ZNF862: variants seen among roughly 807,000 people sequenced by gnomAD.
ZNF862 encodes the protein zinc finger protein 862.
Under a neutral mutation model 91.1 loss-of-function variants are expected in ZNF862, and 64 were observed. That is an observed-to-expected ratio of 0.70 (90% confidence interval 0.57 to 0.87). The LOEUF is 0.87. ZNF862 is among the 40% of genes least tolerant of loss of function. ZNF862 has a pLI of 0.00. For missense variants in ZNF862, 1,459 were observed against 1,528.0 expected, an observed-to-expected ratio of 0.95 and a Z score of 0.75; for synonymous variants, 631 against 618.1, an observed-to-expected ratio of 1.02 and a Z score of -0.31.
intron 1 of ZNF862, chr7:149,841,536 C>G (rs1801705104): frequency 1.0e-6 from 1 of 985,194 alleles, no homozygotes. Flanking sequence ...GGAGCAGTTC[C>G]TGGCATTTAA....
rs1240931247 is a variant in ZNF862, at chr7:149,838,428, T to A, written c.-184T>A. On this transcript the variant is annotated 5_prime_UTR_variant, in exon 1 of 8. Coordinates refer to ENST00000223210, the MANE Select transcript of ZNF862 (RefSeq NM_001099220.3). ...GACGCAAGTCTCAGCTCAGCGCGCT[T>A]ATCCTGGGTCCACCGGCGCTACCGC... The A allele has an allele frequency of 2.5e-6, 1 of 403,462 alleles. No individual in the cohort carries two copies. Among genetic ancestry groups the A allele is most frequent in the African/African-American group, 2.1e-5 (1 of 48,694 alleles). 25.0% of individuals were successfully genotyped at this position (403,462 alleles called of 1,614,324 possible). A position where few individuals can be genotyped will look rare whatever the true frequency, so the allele number is the denominator to read the frequency against.
At position 149,846,114 on chromosome 7, in the gene ZNF862, C is replaced by T. The variant is rs916409537; in HGVS notation, c.137-37C>T. On this transcript the variant is annotated intron_variant, in intron 2 of 7. Coordinates refer to ENST00000223210, the MANE Select transcript of ZNF862 (RefSeq NM_001099220.3). ...GGAGCCAGGTCTTCATAGTGCTTTTCTCTCTCTCTCGCTCTCTTTTTTTTT... is the reference window on the plus strand; with the variant it reads ...GGAGCCAGGTCTTCATAGTGCTTTTTTCTCTCTCTCGCTCTCTTTTTTTTT... The T allele has an allele frequency of 1.0e-5, 14 of 1,389,998 alleles. No homozygotes were observed. In the African/African-American group the frequency reaches 1.2e-4, roughly 12 times the overall value. The allele number at this position is 1,389,998 out of a possible 1,614,324, so 86.1% of individuals were successfully genotyped here. A position where few individuals can be genotyped will look rare whatever the true frequency, so the allele number is the denominator to read the frequency against.
intron 4 of ZNF862, among the ~76,000 whole-genome samples, chr7:149,849,687 G>C (rs117578876): frequency 2.0e-5 from 3 of 152,206 alleles, no homozygotes; most frequent in Non-Finnish European, 4.4e-5. Flanking sequence ...CTAATGAACC[G>C]ATGTAACCTT....
At chr7:149,856,780 G>A (rs992536705) in intron 5 of ZNF862, among the ~76,000 whole-genome samples, 14 of 152,178 alleles carry the variant, frequency 9.2e-5, no homozygotes, top group African/African-American at 3.4e-4. Flanking sequence ...TGTGGTTGAC[G>A]TCTTCATCTT....
chr7:149,849,770 C>T (rs1281589003), intron 4 of ZNF862, among the ~76,000 whole-genome samples: 1 of 152,054 alleles, frequency 6.6e-6, no homozygotes, highest in Admixed American at 6.5e-5. Flanking sequence ...CTTTTTTGAC[C>T]ACCTCTTTGT....
At chr7:149,862,747 G>A (rs1802563759) in intron 7 of ZNF862, among the ~76,000 whole-genome samples, 1 of 152,256 alleles carries the variant, frequency 6.6e-6, no homozygotes, top group African/African-American at 2.4e-5. Flanking sequence ...TGGTGACAGT[G>A]CTGTGCTGGC....
intron 1 of ZNF862, among the ~76,000 whole-genome samples, 196 bp downstream of exon 1, chr7:149,838,831 T>G (rs1466339452): frequency 6.6e-6 from 1 of 152,218 alleles, no homozygotes; most frequent in East Asian, 1.9e-4. Flanking sequence ...GACGCTTCCG[T>G]TCGGTGTCCG....
intron 6 of ZNF862, 70 bp from the exon 7 acceptor site, chr7:149,860,313 G>T (rs377588944): frequency 3.6e-6 from 5 of 1,382,692 alleles, no homozygotes; most frequent in African/African-American, 1.5e-5. Context: ...AAATTTGGGG[G>T]TGTCTTAGCT....
chr7:149,854,094 GCAGGA>G (rs1802171308), intron 5 of ZNF862, among the ~76,000 whole-genome samples: 1 of 152,208 alleles, frequency 6.6e-6, no homozygotes, highest in Admixed American at 6.5e-5. Flanking sequence ...ACGGACTCCA[GCAGGA>G]CGCGCTTATA....
At chr7:149,840,568 T>TCACC (rs1466581774) in intron 1 of ZNF862, among the ~76,000 whole-genome samples, 1 of 151,696 alleles carries the variant, frequency 6.6e-6, no homozygotes, top group Non-Finnish European at 1.5e-5. Context: ...ACTCACTCAC[T>TCACC]CACCCAGAGC....
At chr7:149,845,638 TA>T (rs1196847406) in intron 2 of ZNF862, among the ~76,000 whole-genome samples, 1 of 152,256 alleles carries the variant, frequency 6.6e-6, no homozygotes. Flanking sequence ...TTTGGCTTCT[TA>T]AAAATATTAA....
chr7:149,850,566 A>G lies in ZNF862; in HGVS notation c.1117+228A>G. ...ATTCGTCCCCCACCAAACATTTTGG[A>G]GTACCTACTATGTGCCAGATGAACA... is the stretch of plus-strand genomic sequence containing the variant. On this transcript the variant is annotated intron_variant, in intron 5 of 7. Coordinates refer to ENST00000223210, the MANE Select transcript of ZNF862 (RefSeq NM_001099220.3). The surrounding 1 kb of genome is among the most constrained non-coding windows in gnomAD (Gnocchi z 4.2). 1 of 520,762 alleles carries G rather than the reference A, an allele frequency of 1.9e-6. No homozygotes were observed. The highest frequency in any genetic ancestry group is 2.4e-5 in the South Asian group (1 of 40,888). 32.3% of individuals were successfully genotyped at this position (520,762 alleles called of 1,614,324 possible). A position where few individuals can be genotyped will look rare whatever the true frequency, so the allele number is the denominator to read the frequency against.
rs766062434 is a variant in ZNF862, at chr7:149,861,333, G to A, written c.2173G>A (p.Val725Met). 11 of 1,613,128 alleles carry A rather than the reference G, an allele frequency of 6.8e-6. No homozygotes were observed. In the South Asian group the frequency reaches 7.7e-5, roughly 11 times the overall value. ...CCCGCAGCTGCTGCCTGTCCACTGCGTGGCCCACCGGCTGCACCTGGCTGT... is the reference window on the plus strand; with the variant it reads ...CCCGCAGCTGCTGCCTGTCCACTGCATGGCCCACCGGCTGCACCTGGCTGT... Reference protein sequence around the residue: ...VIPQLLPVHCVAHRLHLAVVD... With the variant: ...VIPQLLPVHCMAHRLHLAVVD... Residue 725 changes from valine to methionine, a missense_variant, in exon 7 of 8, where the codon GTG (valine) becomes ATG (methionine). Coordinates refer to ENST00000223210, the MANE Select transcript of ZNF862 (RefSeq NM_001099220.3). The surrounding 1 kb of genome is among the most constrained non-coding windows in gnomAD (Gnocchi z 6.7).
In ZNF862 at chr7:149,846,203, G is replaced by A. The variant is rs374801292; in HGVS notation, c.189G>A (p.Glu63=). ...TCCGCAAGTTCGGACGAGGGCCAGA[G>A]CCATGGCTTGGCAGCGTCCAGGGCC... ...ELFRKFGRGP[E]PWLGSVQGQR... The change falls in exon 3 of 8, where the codon GAG becomes GAA. Residue 63 remains glutamate (E), a synonymous_variant. Transcript: ENST00000223210. The A allele has an allele frequency of 2.2e-5, 35 of 1,613,614 alleles. No individual in the cohort carries two copies. Among genetic ancestry groups the A allele is most frequent in the Non-Finnish European group, 3.0e-5 (35 of 1,179,842 alleles).
At chr7:149,840,014 T>C (rs1801643366) in intron 1 of ZNF862, among the ~76,000 whole-genome samples, 1 of 151,836 alleles carries the variant, frequency 6.6e-6, no homozygotes, top group Non-Finnish European at 1.5e-5. Context: ...AGAAATACGG[T>C]CATGCGCTGT....
Position 149,844,621 on chromosome 7 carries a change from T to A in ZNF862, c.25-4T>A, listed in dbSNP as rs779992560. The A allele has an allele frequency of 3.8e-6, 6 of 1,586,664 alleles. No individual in the cohort carries two copies. The highest frequency in any genetic ancestry group is 2.6e-6 in the Non-Finnish European group (3 of 1,164,706). On this transcript the variant is annotated splice_polypyrimidine_tract_variant and splice_region_variant and intron_variant, in intron 1 of 7. Coordinates refer to ENST00000223210, the MANE Select transcript of ZNF862 (RefSeq NM_001099220.3). ...GTACTTAGCAGCTGTCATTTTCCTT[T>A]CAGGCTCCTGTGACGTTTGATGACA...
At chr7:149,839,580 G>T (rs1801630703) in intron 1 of ZNF862, among the ~76,000 whole-genome samples, 1 of 152,154 alleles carries the variant, frequency 6.6e-6, no homozygotes, top group South Asian at 2.1e-4. Flanking sequence ...CGCCTGAAAG[G>T]GTTGTCCCAC....
chr7:149,856,286 A>T (rs1261789452), intron 5 of ZNF862: 1 of 152,138 alleles, frequency 6.6e-6, no homozygotes, highest in Non-Finnish European at 1.5e-5. Context: ...ATTGATTCCT[A>T]CTGTGGAAGA....
intron 2 of ZNF862, 35 bp from the exon 3 acceptor site, chr7:149,846,116 C>T: frequency 1.3e-6 from 2 of 1,510,400 alleles, no homozygotes; most frequent in Non-Finnish European, 1.8e-6. Flanking sequence ...GTGCTTTTCT[C>T]TCTCTCTCGC....
Sources: gnomAD v4.1 joint callset for allele counts (sites outside exome capture counted in the v4.1 genomes callset) on GRCh38, gnomAD v4.1.1 for gene constraint, Gnocchi (gnomAD v3.1) non-coding constraint, MANE v1.5 for transcripts, NCBI Gene and HGNC (gene_info 2026-07-23, HGNC 2026-07-21) for gene names.